The following UMAD1 variants were observed in gnomAD, a reference collection of about 807,000 sequenced individuals.
UMAD1 encodes UBAP1-MVB12-associated (UMA)-domain containing protein 1.
Under a neutral mutation model 6.1 loss-of-function variants are expected in UMAD1, and 8 were observed. That is an observed-to-expected ratio of 1.30 (90% CI 0.76 to 2.35). The LOEUF (loss-of-function observed/expected upper bound fraction) is 2.35. UMAD1 is among the 30% of genes most tolerant of loss of function. The probability of loss-of-function intolerance (pLI) is 0.00; values close to 1 mark genes in which losing one functional copy is unlikely to be tolerated. For synonymous variants in UMAD1, 56 were observed against 31.4 expected (o/e 1.78, Z -2.61); for missense variants, 130 against 78.4 (o/e 1.66, Z -2.49).
chr7:7,756,811 T>C (rs1455902585), intron 2 of UMAD1, among the ~76,000 whole-genome samples: 1 of 152,244 alleles, frequency 6.6e-6, no homozygotes, highest in Non-Finnish European at 1.5e-5. Flanking sequence ...CAATCATATG[T>C]AGAGTTACAG....
chr7:7,755,904 T>C (rs1162878518), intron 2 of UMAD1, among the ~76,000 whole-genome samples: 1 of 152,212 alleles, frequency 6.6e-6, no homozygotes, highest in African/African-American at 2.4e-5. Flanking sequence ...GGGATTCTTA[T>C]ACAAGATATG....
intron 2 of UMAD1, among the ~76,000 whole-genome samples, chr7:7,704,962 G>C (rs1780561924): frequency 6.6e-6 from 1 of 152,094 alleles, no homozygotes; most frequent in Non-Finnish European, 1.5e-5. Flanking sequence ...GAAGATTCTG[G>C]ATAAACTCAG....
chr7:7,652,954 A>G (rs920545754), intron 1 of UMAD1, among the ~76,000 whole-genome samples: 2 of 152,350 alleles, frequency 1.3e-5, no homozygotes, highest in Non-Finnish European at 2.9e-5. Context: ...TTAAAGACCC[A>G]TACTGAATAA....
chr7:7,667,101 G>T (rs932688919), intron 1 of UMAD1, among the ~76,000 whole-genome samples: 3 of 152,186 alleles, frequency 2.0e-5, no homozygotes, highest in Non-Finnish European at 4.4e-5. Flanking sequence ...CAGCCACTGC[G>T]CCCGGCTGAC....
intron 1 of UMAD1, among the ~76,000 whole-genome samples, chr7:7,657,200 G>C (rs920397920): frequency 6.6e-6 from 1 of 152,032 alleles, no homozygotes; most frequent in Admixed American, 6.6e-5. Flanking sequence ...TCTTTCTAGA[G>C]TCTGGGTATT....
chr7:7,644,014 T>TA (rs1418091062), intron 1 of UMAD1, among the ~76,000 whole-genome samples: 2 of 152,070 alleles, frequency 1.3e-5, no homozygotes, highest in Non-Finnish European at 2.9e-5. Context: ...CTGCCACTAG[T>TA]AAAAAAATGA....
intron 2 of UMAD1, among the ~76,000 whole-genome samples, chr7:7,747,858 GA>G (rs563783517): frequency 9.2e-5 from 14 of 152,286 alleles, no homozygotes; most frequent in Admixed American, 2.6e-4. Context: ...AAAATGTATA[GA>G]AATTAAATCT....
At chr7:7,865,338 G>A (rs12532041) in intron 3 of UMAD1, among the ~76,000 whole-genome samples, 5 of 151,954 alleles carry the variant, frequency 3.3e-5, no homozygotes, top group Non-Finnish European at 5.9e-5. Context: ...TAGAACACTC[G>A]GTTGTTATTC....
At chr7:7,701,659 G>A (rs1780466336) in intron 2 of UMAD1, among the ~76,000 whole-genome samples, 1 of 152,124 alleles carries the variant, frequency 6.6e-6, no homozygotes, top group African/African-American at 2.4e-5. Flanking sequence ...AGTGAAATAT[G>A]ATTAGGAGGC....
At chr7:7,658,257 C>G (rs1027742892) in intron 1 of UMAD1, among the ~76,000 whole-genome samples, 9 of 152,228 alleles carry the variant, frequency 5.9e-5, no homozygotes, top group Non-Finnish European at 8.8e-5. Context: ...CATCTGCAAA[C>G]AGAGACAATT....
At chr7:7,736,301 T>TGAAATTGCAC (rs906080744) in intron 2 of UMAD1, 2 of 152,702 alleles carry the variant, frequency 1.3e-5, no homozygotes, top group African/African-American at 4.8e-5. Context: ...AGCTCTATTT[T>TGAAATTGCAC]GAAATTGCAC....
At chr7:7,773,891 A>G (rs1478941109) in intron 2 of UMAD1, among the ~76,000 whole-genome samples, 1 of 152,134 alleles carries the variant, frequency 6.6e-6, no homozygotes, top group Non-Finnish European at 1.5e-5. Context: ...GAGGTATTAT[A>G]AGGAGGACGA....
intron 2 of UMAD1, among the ~76,000 whole-genome samples, chr7:7,746,614 C>T (rs1781579053): frequency 6.6e-6 from 1 of 152,186 alleles, no homozygotes; most frequent in African/African-American, 2.4e-5. Context: ...ACCAGAGCTA[C>T]AGTAAAATTG....
intron 3 of UMAD1, among the ~76,000 whole-genome samples, chr7:7,812,012 G>T (rs969011859): frequency 1.3e-5 from 2 of 152,198 alleles, no homozygotes; most frequent in Non-Finnish European, 2.9e-5. Context: ...CTCAAAGTTT[G>T]TGAAGGTCTT....
Position 7,877,546 on chromosome 7 carries a change from G to T in UMAD1, c.*8G>T. 1 of 716,638 alleles carries T rather than the reference G, an allele frequency of 1.4e-6. No individual in the cohort carries two copies. 44.4% of individuals were successfully genotyped at this position (716,638 alleles called of 1,614,324 possible). A position where few individuals can be genotyped will look rare whatever the true frequency, so the allele number is the denominator to read the frequency against. Reference sequence around the variant, plus strand: ...GTGCTCTGTGATTCATAACCTTTATGTCTGTTTGCACCTTAACAGCTTTAA... The same window carrying T: ...GTGCTCTGTGATTCATAACCTTTATTTCTGTTTGCACCTTAACAGCTTTAA... On this transcript the variant is annotated 3_prime_UTR_variant, in exon 4 of 4. Coordinates refer to ENST00000682710, the MANE Select transcript of UMAD1 (RefSeq NM_001302348.2).
chr7:7,816,098 C>A (rs2115290378), intron 3 of UMAD1, among the ~76,000 whole-genome samples: 1 of 152,204 alleles, frequency 6.6e-6, no homozygotes, highest in African/African-American at 2.4e-5. Flanking sequence ...TGTATTAACT[C>A]ATTAATTTTT....
At chr7:7,762,705 C>T (rs1163447706) in intron 2 of UMAD1, among the ~76,000 whole-genome samples, 7 of 152,142 alleles carry the variant, frequency 4.6e-5, no homozygotes, top group Non-Finnish European at 1.5e-5. Flanking sequence ...GATTCCCTGT[C>T]TTAGAGTGAT....
intron 2 of UMAD1, among the ~76,000 whole-genome samples, chr7:7,698,870 CTTTTTTTTT>C (rs57968079): frequency 7.6e-6 from 1 of 131,956 alleles, no homozygotes; most frequent in Non-Finnish European, 1.6e-5. Context: ...ACCCTCTTGT[CTTTTTTTTT>C]TTTTTTTTTG....
chr7:7,796,549 C>A (rs1782687006), intron 2 of UMAD1, among the ~76,000 whole-genome samples: 2 of 152,106 alleles, frequency 1.3e-5, no homozygotes, highest in African/African-American at 4.8e-5. Context: ...CCGTGCCCGG[C>A]CGACCCATTT....
Sources: allele counts gnomAD v4.1 joint callset (sites outside exome capture counted in the v4.1 genomes callset), GRCh38; gene constraint gnomAD v4.1.1; transcripts MANE v1.5; gene names NCBI Gene and HGNC (gene_info 2026-07-23, HGNC 2026-07-21).